The following ISM1 variants were observed in gnomAD, a reference collection of about 807,000 sequenced individuals.
ISM1 encodes isthmin-1.
In ISM1, 25 loss-of-function variants were observed where a neutral mutation model predicts 46.3. The observed-to-expected ratio is 0.54, with a 90% confidence interval of 0.39 to 0.75. ISM1 has a LOEUF of 0.75. ISM1 is among the 30% of genes least tolerant of loss of function. ISM1 has a pLI of 0.00. For missense variants in ISM1, 536 were observed against 625.4 expected (o/e 0.86, Z 1.52); for synonymous variants, 255 against 256.7 (o/e 0.99, Z 0.06).
At chr20:13,271,168 C>T (rs145071706) in intron 2 of ISM1, among the ~76,000 whole-genome samples, 3 of 152,342 alleles carry the variant, frequency 2.0e-5, no homozygotes, top group Admixed American at 1.3e-4. Context: ...AATATGAGTT[C>T]AAAGCACTCA....
At chr20:13,267,048 T>C (rs182765758) in intron 1 of ISM1, among the ~76,000 whole-genome samples, 134 of 152,364 alleles carry the variant, frequency 8.8e-4, no homozygotes, top group African/African-American at 3.2e-3. Context: ...ACTAAAATAA[T>C]GGCTACTCTC....
At chr20:13,306,337 G>A in the ISM1 span, among the ~76,000 whole-genome samples, 1 of 152,082 alleles carries the variant, frequency 6.6e-6, no homozygotes. Context: ...TGCCATGGAA[G>A]AGAACAGTCT....
At chr20:13,311,396 T>C in the ISM1 span, among the ~76,000 whole-genome samples, 13 of 152,286 alleles carry the variant, frequency 8.5e-5, no homozygotes, top group East Asian at 2.5e-3. Context: ...AAAAATTAAA[T>C]ATAGAACTAC....
chr20:13,236,520 C>A (rs2039651955), intron 1 of ISM1, among the ~76,000 whole-genome samples: 1 of 152,132 alleles, frequency 6.6e-6, no homozygotes, highest in Non-Finnish European at 1.5e-5. Context: ...ACCAATCATG[C>A]CTTCCCAACA....
At chr20:13,240,223 A>G (rs184726038) in intron 1 of ISM1, among the ~76,000 whole-genome samples, 17 of 152,232 alleles carry the variant, frequency 1.1e-4, no homozygotes, top group Non-Finnish European at 2.2e-4. Context: ...AATAGAGAAC[A>G]AGCTTATGTT....
chr20:13,284,964 T>C (rs956602329), intron 3 of ISM1, among the ~76,000 whole-genome samples: 9 of 152,176 alleles, frequency 5.9e-5, no homozygotes, highest in African/African-American at 1.9e-4. Flanking sequence ...TTATGGGGTA[T>C]TTGTAATAGT....
At chr20:13,248,397 A>G (rs1600504325) in intron 1 of ISM1, among the ~76,000 whole-genome samples, 2 of 152,266 alleles carry the variant, frequency 1.3e-5, no homozygotes, top group South Asian at 4.1e-4. Context: ...GATGGGCCTT[A>G]CCAGTGAGAT....
intron 1 of ISM1, among the ~76,000 whole-genome samples, chr20:13,251,748 C>G (rs915204786): frequency 6.6e-5 from 10 of 152,208 alleles, no homozygotes; most frequent in South Asian, 6.2e-4. Flanking sequence ...AGAAGCCATT[C>G]ATAAGTTTGT....
rs79686888 is a variant in ISM1 at position 13,297,043 on chromosome 20, A to G, written c.878-1899A>G. 1.7e-3 allele frequency among the ~76,000 whole-genome samples: 248 copies of G among 148,222 alleles called. 3 individuals are homozygous for G. Among genetic ancestry groups the G allele is most frequent in the African/African-American group, 5.9e-3 (240 of 40,754 alleles). On this transcript the variant is annotated intron_variant, in intron 5 of 5. Coordinates refer to ENST00000262487, the MANE Select transcript of ISM1 (RefSeq NM_080826.2). Reference sequence around the variant, plus strand: ...CTCACTGCCTCACCCCCCGCCAAAAAAAAAGATGTATTTTGTCCTGATCAA... The same window carrying G: ...CTCACTGCCTCACCCCCCGCCAAAAGAAAAGATGTATTTTGTCCTGATCAA...
chr20:13,279,460 T>C (rs1299088796), intron 2 of ISM1, among the ~76,000 whole-genome samples, 174 bp from the exon 3 acceptor site: 1 of 152,184 alleles, frequency 6.6e-6, no homozygotes, highest in African/African-American at 2.4e-5. Flanking sequence ...GCCGTGGAAT[T>C]CTTGTGGACC....
chr20:13,253,207 GT>G (rs1346405880), intron 1 of ISM1, among the ~76,000 whole-genome samples: 7 of 152,306 alleles, frequency 4.6e-5, no homozygotes, highest in African/African-American at 1.7e-4. Context: ...CACCTTCAGG[GT>G]TTTTGATCTT....
At chr20:13,252,034 A>T (rs955355807) in intron 1 of ISM1, among the ~76,000 whole-genome samples, 2 of 152,194 alleles carry the variant, frequency 1.3e-5, no homozygotes, top group Non-Finnish European at 2.9e-5. Context: ...TGGTTGCTAC[A>T]TGAGCTTTCC....
At chr20:13,302,684 G>T (rs1423957338), downstream of ISM1, among the ~76,000 whole-genome samples, 1 of 152,128 alleles carries the variant, frequency 6.6e-6, no homozygotes, top group Non-Finnish European at 1.5e-5. Flanking sequence ...ATATGACCCC[G>T]CAGTAGCTGC....
chr20:13,261,332 C>T (rs766304692), intron 1 of ISM1, among the ~76,000 whole-genome samples: 2 of 151,714 alleles, frequency 1.3e-5, no homozygotes, highest in African/African-American at 4.8e-5. Flanking sequence ...GCAGGAGAAT[C>T]GCCTGAACCC....
intron 5 of ISM1, 48 bp from the exon 6 acceptor site, chr20:13,298,894 G>A (rs890056411): frequency 2.0e-5 from 31 of 1,585,874 alleles, no homozygotes; most frequent in Non-Finnish European, 2.5e-5. Context: ...CACCTCCTGT[G>A]GGCCGGTTGT....
intron 2 of ISM1, among the ~76,000 whole-genome samples, chr20:13,277,419 G>C (rs4468880): frequency 2.4e-5 from 2 of 84,820 alleles, no homozygotes; most frequent in Non-Finnish European, 5.1e-5. Context: ...AGTTCCCTCA[G>C]ATGGGGCTGC....
At chr20:13,282,443 C>G (rs889247614) in intron 3 of ISM1, among the ~76,000 whole-genome samples, 1 of 152,206 alleles carries the variant, frequency 6.6e-6, no homozygotes, top group Non-Finnish European at 1.5e-5. Flanking sequence ...AAAGCCTTTA[C>G]AGAGTACAGT....
chr20:13,259,297 A>C (rs933182267), intron 1 of ISM1, among the ~76,000 whole-genome samples: 4 of 151,848 alleles, frequency 2.6e-5, no homozygotes, highest in South Asian at 2.1e-4. Flanking sequence ...AAAAAAACAA[A>C]AACAAAAGGA....
chr20:13,299,091 C>T lies in ISM1; in HGVS notation c.1027C>T (p.Arg343Cys), dbSNP rs781073013. 1.2e-6 allele frequency: 2 copies of T among 1,613,766 alleles called. No homozygotes were observed. Among genetic ancestry groups the T allele is most frequent in the South Asian group, 1.1e-5 (1 of 91,032 alleles). ...GGCCGACATCTTCGACCGCATCAAGCGCAAGGACTTCCGCTGGAAGGACGC... is the reference window on the plus strand; with the variant it reads ...GGCCGACATCTTCGACCGCATCAAGTGCAAGGACTTCCGCTGGAAGGACGC... The part of the protein sequence containing the change: ...STADIFDRIK[R>C]KDFRWKDASG... The change falls in exon 6 of 6, where the codon CGC becomes TGC. Residue 343 changes from arginine to cysteine, a missense_variant. By Grantham distance (180) the Arg-to-Cys change is radical. Coordinates refer to ENST00000262487, the MANE Select transcript of ISM1 (RefSeq NM_080826.2). This position sits in a 1 kb window ranked among gnomAD's most constrained non-coding sequence, Gnocchi z 5.8.
Sources: allele counts gnomAD v4.1 joint callset (sites outside exome capture counted in the v4.1 genomes callset), GRCh38; gene constraint gnomAD v4.1.1; non-coding constraint Gnocchi (gnomAD v3.1); transcripts MANE v1.5; gene names NCBI Gene and HGNC (gene_info 2026-07-23, HGNC 2026-07-21).